Variants in FRMD6 observed in about 807,000 individuals in gnomAD.
FRMD6 encodes the protein FERM domain-containing protein 6.
Under a neutral mutation model 73.2 loss-of-function variants are expected in FRMD6, and 37 were observed. That is an observed-to-expected ratio of 0.51 (90% CI 0.39 to 0.66). FRMD6 has a LOEUF of 0.66. FRMD6 is among the 30% of genes least tolerant of loss of function. The pLI, the probability that FRMD6 is intolerant of heterozygous loss-of-function variation, is 0.00. For synonymous variants in FRMD6, 273 were observed against 282.2 expected (o/e 0.97, Z 0.33); for missense variants, 714 against 780.5 (o/e 0.91, Z 1.02).
chr14:51,725,798 TG>T lies in FRMD6; in HGVS notation c.1515del (p.Ser506LeufsTer38). On this transcript the variant is annotated frameshift_variant, in exon 13 of 14. Coordinates refer to ENST00000344768, the MANE Select transcript of FRMD6 (RefSeq NM_001267046.2). LOFTEE classifies it high-confidence loss of function. ...GHSGLIVKEIGSSTSSSSETV... is the reference protein window; with the variant it reads ...GHSGLIVKEIXSSTSSSSETV... ...TTTCAGGGTTGATTGTGAAAGAAAT[TG>T]GGTCTTCCACCTCGAGCTCTTCAGA... The T allele has an allele frequency of 6.2e-7, 1 of 1,613,496 alleles. No homozygotes were observed. Among genetic ancestry groups the T allele is most frequent in the Non-Finnish European group, 8.5e-7 (1 of 1,179,444 alleles).
At chr14:51,403,807 G>A in the FRMD6 span, among the ~76,000 whole-genome samples, 38 of 152,176 alleles carry the variant, frequency 2.5e-4, no homozygotes, top group Admixed American at 8.5e-4. Context: ...GAATGAATAT[G>A]CCACAAACTT....
chr14:51,619,931 G>T (rs1443259221), intron 2 of FRMD6, among the ~76,000 whole-genome samples: 1 of 152,184 alleles, frequency 6.6e-6, no homozygotes, highest in Admixed American at 6.5e-5. Flanking sequence ...GTCGCAGAAG[G>T]CAACGGGGTA....
chr14:51,544,337 C>A (rs571648829), intron 1 of FRMD6, among the ~76,000 whole-genome samples: 1 of 151,858 alleles, frequency 6.6e-6, no homozygotes, highest in East Asian at 1.9e-4. Flanking sequence ...TCCTTAATAC[C>A]TTTGGTAAGG....
the FRMD6 span, among the ~76,000 whole-genome samples, chr14:51,420,856 C>T: frequency 6.6e-6 from 1 of 152,182 alleles, no homozygotes; most frequent in African/African-American, 2.4e-5. Context: ...CTCACTGCAG[C>T]CTCTGCCTCC....
At chr14:51,623,057 TA>T (rs1255412078) in intron 2 of FRMD6, among the ~76,000 whole-genome samples, 1 of 152,176 alleles carries the variant, frequency 6.6e-6, no homozygotes, top group African/African-American at 2.4e-5. Context: ...TCATTTGTCA[TA>T]AGATCCTCTG....
intron 1 of FRMD6, among the ~76,000 whole-genome samples, chr14:51,677,725 C>T (rs542114188): frequency 7.8e-4 from 119 of 152,184 alleles, no homozygotes; most frequent in African/African-American, 2.8e-3. Context: ...TTTTAATGTC[C>T]GTGTACTTCA....
chr14:51,423,314 G>A, the FRMD6 span, among the ~76,000 whole-genome samples: 4 of 152,282 alleles, frequency 2.6e-5, no homozygotes, highest in South Asian at 2.1e-4. Flanking sequence ...TTACATGGGG[G>A]CACCCGTCTG....
At chr14:51,543,792 T>A (rs750265456) in intron 1 of FRMD6, among the ~76,000 whole-genome samples, 10 of 152,050 alleles carry the variant, frequency 6.6e-5, no homozygotes, top group Non-Finnish European at 1.2e-4. Flanking sequence ...GGGAGTTCCA[T>A]GAACTCATTT....
At position 51,628,542 on chromosome 14, in the gene FRMD6, C is replaced by T. The variant is rs564658635; in HGVS notation, c.-147+58132C>T. Among the ~76,000 whole-genome samples the T allele has an allele frequency of 4.6e-5, 7 of 152,108 alleles. No individual in the cohort carries two copies. The East Asian group carries it at 5.8e-4, about 13-fold the overall frequency. ...TAAATGGCTTGGATGTGATGGCTCA[C>T]GTCTATAATCCTGTAATCCCAGCAC... On this transcript the variant is annotated intron_variant, in intron 2 of 14. Transcript: ENST00000356218.
intron 7 of FRMD6, 121 bp downstream of exon 7, chr14:51,708,354 A>G (rs963864633): frequency 4.2e-5 from 42 of 998,846 alleles, no homozygotes; most frequent in Non-Finnish European, 5.6e-5. Context: ...ACATGCTTTT[A>G]AAAGAGTTTC....
At chr14:51,509,719 T>G (rs976068747) in intron 1 of FRMD6, among the ~76,000 whole-genome samples, 1 of 151,748 alleles carries the variant, frequency 6.6e-6, no homozygotes, top group Non-Finnish European at 1.5e-5. Context: ...CTCCGCCTCC[T>G]GGGTTCAAGC....
chr14:51,636,616 G>A (rs1317961282), intron 2 of FRMD6, among the ~76,000 whole-genome samples: 3 of 152,216 alleles, frequency 2.0e-5, no homozygotes, highest in Non-Finnish European at 4.4e-5. Context: ...ACTATAAAAT[G>A]CTGTCCAAGT....
chr14:51,574,998 A>G (rs1888327758), intron 2 of FRMD6, among the ~76,000 whole-genome samples: 1 of 152,202 alleles, frequency 6.6e-6, no homozygotes, highest in Non-Finnish European at 1.5e-5. Flanking sequence ...AATTTTTAAA[A>G]GGATAATAAA....
At chr14:51,653,204 A>C (rs1287474324) in intron 1 of FRMD6, among the ~76,000 whole-genome samples, 1 of 143,944 alleles carries the variant, frequency 6.9e-6, no homozygotes, top group Non-Finnish European at 1.5e-5. Flanking sequence ...GGATTTTCCG[A>C]GTATGATTCC....
the FRMD6 span, among the ~76,000 whole-genome samples, chr14:51,452,048 A>C: frequency 6.6e-6 from 1 of 152,180 alleles, no homozygotes; most frequent in Non-Finnish European, 1.5e-5. Flanking sequence ...TGGTGTTTTA[A>C]AACTATTCTT....
chr14:51,410,429 G>C, the FRMD6 span, among the ~76,000 whole-genome samples: 1 of 152,062 alleles, frequency 6.6e-6, no homozygotes, highest in South Asian at 2.1e-4. Context: ...TCTTCTAGAA[G>C]GAAAAATAAA....
intron 7 of FRMD6, among the ~76,000 whole-genome samples, chr14:51,708,858 A>T (rs1166426650): frequency 6.6e-6 from 1 of 152,166 alleles, no homozygotes; most frequent in African/African-American, 2.4e-5. Flanking sequence ...TCTTGATAAC[A>T]TAGGCTGTGA....
chr14:51,575,968 G>C (rs993992741), intron 2 of FRMD6: 8 of 152,326 alleles, frequency 5.3e-5, no homozygotes, highest in Non-Finnish European at 8.8e-5. Flanking sequence ...GGCAGCAAAT[G>C]GTTGTAGCCA....
chr14:51,685,254 C>T (rs1486094523), intron 1 of FRMD6, among the ~76,000 whole-genome samples: 1 of 152,174 alleles, frequency 6.6e-6, no homozygotes, highest in Non-Finnish European at 1.5e-5. Context: ...GAAATTACAT[C>T]TCTTTCTTCA....
Sources: allele counts gnomAD v4.1 joint callset (sites outside exome capture counted in the v4.1 genomes callset), GRCh38; gene constraint gnomAD v4.1.1; transcripts MANE v1.5; gene names NCBI Gene and HGNC (gene_info 2026-07-23, HGNC 2026-07-21).